Variants in THSD7B observed in about 807,000 individuals in gnomAD.
THSD7B encodes the protein thrombospondin type 1 domain containing 7B, also known as thrombospondin type-1 domain-containing protein 7B.
A neutral mutation model predicts 213.6 loss-of-function variants in THSD7B; 138 were observed. The ratio of observed to expected loss-of-function variants is 0.65; its 90% CI spans 0.56 to 0.74. The LOEUF is 0.74. THSD7B is among the 30% of genes least tolerant of loss of function. THSD7B has a pLI of 0.00. For missense variants in THSD7B, 1,931 were observed against 1,991.5 expected (o/e 0.97, Z 0.58); for synonymous variants, 742 against 687.0 (o/e 1.08, Z -1.25).
chr2:137,299,729 C>T (rs748614993), intron 12 of THSD7B, among the ~76,000 whole-genome samples: 16 of 152,020 alleles, frequency 1.1e-4, no homozygotes, highest in Non-Finnish European at 2.1e-4. Flanking sequence ...TGGGCTTAAC[C>T]GGCTGTTAAA....
At chr2:137,642,263 AAG>A (rs1161496065) in intron 20 of THSD7B, 8 of 479,804 alleles carry the variant, frequency 1.7e-5, no homozygotes, top group African/African-American at 1.6e-4. Context: ...TGAAGACTAA[AAG>A]AAGTAGAAGA....
At chr2:137,635,631 G>C (rs2104856088) in intron 20 of THSD7B, among the ~76,000 whole-genome samples, 1 of 152,146 alleles carries the variant, frequency 6.6e-6, no homozygotes, top group East Asian at 1.9e-4. Flanking sequence ...GCCAGTTCTA[G>C]GAATTGATAT....
intron 14 of THSD7B, among the ~76,000 whole-genome samples, chr2:137,431,083 A>T (rs1239974502): frequency 6.6e-6 from 1 of 152,218 alleles, no homozygotes; most frequent in Non-Finnish European, 1.5e-5. Flanking sequence ...CACAGCCCTC[A>T]GGAGATTCTG....
At chr2:137,634,415 T>C (rs1682795685) in intron 20 of THSD7B, among the ~76,000 whole-genome samples, 2 of 152,196 alleles carry the variant, frequency 1.3e-5, no homozygotes, top group African/African-American at 4.8e-5. Context: ...CTGGAGTTTA[T>C]AGGTATATTT....
intron 14 of THSD7B, among the ~76,000 whole-genome samples, chr2:137,423,464 T>C (rs1216373020): frequency 6.6e-6 from 1 of 152,162 alleles, no homozygotes; most frequent in African/African-American, 2.4e-5. Flanking sequence ...AGATCAATGG[T>C]CGCAAAGCAG....
rs1681934887 is a variant in THSD7B, at chr2:136,790,073, T to C, written c.-36+24386T>C. On this transcript the variant is annotated intron_variant, in intron 1 of 27. Transcript: ENST00000409968. ...TGTAAGCTTACCCTTTCTAACTCTC[T>C]GTGGTCTCCTAGTGCTTGGGAATCT... Among the ~76,000 whole-genome samples, 6 of 151,888 alleles carry C rather than the reference T, an allele frequency of 4.0e-5. 1 individual carries two copies. The South Asian group carries it at 1.2e-3, about 32-fold the overall frequency.
At position 137,095,245 on chromosome 2, in the gene THSD7B, A is replaced by C. The variant is rs145714463; in HGVS notation, c.1199+124A>C. On this transcript the variant is annotated intron_variant, in intron 4 of 27. Coordinates refer to ENST00000409968, the MANE Select transcript of THSD7B (RefSeq NM_001316349.2). ...AGTCTTCACTCAGTATACAAGTTCCATACTTGGCAGCATAGGAGAGCGGGT... is the reference window on the plus strand; with the variant it reads ...AGTCTTCACTCAGTATACAAGTTCCCTACTTGGCAGCATAGGAGAGCGGGT... 49 of 1,345,582 alleles carry C rather than the reference A, an allele frequency of 3.6e-5. No homozygotes were observed. In the African/African-American group the frequency reaches 4.3e-4, roughly 12 times the overall value. The allele number at this position is 1,345,582 out of a possible 1,614,324, so 83.4% of individuals were successfully genotyped here.
At chr2:137,669,864 A>G (rs573681681) in intron 27 of THSD7B, among the ~76,000 whole-genome samples, 1 of 152,294 alleles carries the variant, frequency 6.6e-6, no homozygotes, top group South Asian at 2.1e-4. Context: ...AAATGTGTTA[A>G]CCATAATCTA....
chr2:137,343,642 C>G (rs1205508992), intron 12 of THSD7B, among the ~76,000 whole-genome samples: 1 of 151,668 alleles, frequency 6.6e-6, no homozygotes, highest in African/African-American at 2.4e-5. Flanking sequence ...GTCATTTTAA[C>G]AACCATGGCC....
At chr2:137,097,647 GA>G (rs1688062966) in intron 4 of THSD7B, among the ~76,000 whole-genome samples, 1 of 152,068 alleles carries the variant, frequency 6.6e-6, no homozygotes. Context: ...ATGTACCCAA[GA>G]TGAGTTTCTG....
intron 15 of THSD7B, among the ~76,000 whole-genome samples, chr2:137,485,489 T>C (rs1007005874): frequency 1.3e-5 from 2 of 152,216 alleles, no homozygotes; most frequent in Non-Finnish European, 2.9e-5. Flanking sequence ...GACTTAGGAT[T>C]GACTTGGCGA....
chr2:137,653,668 C>T lies in THSD7B; in HGVS notation c.3946-1833C>T, dbSNP rs563145692. ...TATTTTCAGATAACCTGTCTTTGATCTCCCTAATTCTTTTCTCTGCTTGAT... is the reference window on the plus strand; with the variant it reads ...TATTTTCAGATAACCTGTCTTTGATTTCCCTAATTCTTTTCTCTGCTTGAT... On this transcript the variant is annotated intron_variant, in intron 21 of 27. Transcript: ENST00000409968. Among the ~76,000 whole-genome samples, 3 of 150,630 alleles carry T rather than the reference C, an allele frequency of 2.0e-5. No homozygotes were observed. The South Asian group carries it at 6.4e-4, about 32-fold the overall frequency.
chr2:136,911,714 A>C (rs1373226905), intron 2 of THSD7B, among the ~76,000 whole-genome samples: 1 of 152,224 alleles, frequency 6.6e-6, no homozygotes, highest in African/African-American at 2.4e-5. Context: ...TAGTCTCTGC[A>C]TTTTGAGAAA....
intron 1 of THSD7B, among the ~76,000 whole-genome samples, chr2:136,853,685 G>C (rs1683134118): frequency 6.6e-6 from 1 of 152,084 alleles, no homozygotes; most frequent in Non-Finnish European, 1.5e-5. Context: ...GGCATTCATT[G>C]ATGACTCTTT....
intron 15 of THSD7B, among the ~76,000 whole-genome samples, chr2:137,511,402 A>T (rs780411351): frequency 6.6e-6 from 1 of 152,206 alleles, no homozygotes; most frequent in African/African-American, 2.4e-5. Context: ...AGATGATATG[A>T]TGCAGATGTT....
At chr2:136,866,793 T>G (rs74383345) in intron 1 of THSD7B, among the ~76,000 whole-genome samples, 133 of 152,334 alleles carry the variant, frequency 8.7e-4, no homozygotes, top group African/African-American at 3.1e-3. Context: ...GTATTTGTTA[T>G]GAAAGGTGTA....
chr2:137,631,574 T>C (rs1325832139), intron 20 of THSD7B, among the ~76,000 whole-genome samples: 1 of 152,216 alleles, frequency 6.6e-6, no homozygotes, highest in Admixed American at 6.5e-5. Context: ...AACAACTTTG[T>C]GACTTCCAGC....
intron 4 of THSD7B, among the ~76,000 whole-genome samples, chr2:137,112,362 G>GT (rs1340194399): frequency 1.2e-5 from 1 of 83,980 alleles, no homozygotes; most frequent in East Asian, 3.1e-4. Flanking sequence ...CTCTGAGGTG[G>GT]TAAAAAAAAA....
chr2:137,039,579 A>G (rs1573782727), intron 2 of THSD7B, among the ~76,000 whole-genome samples: 2 of 152,280 alleles, frequency 1.3e-5, no homozygotes, highest in East Asian at 3.9e-4. Flanking sequence ...GTAACAGACA[A>G]TTCCTCCCAC....
Sources: gnomAD v4.1 joint callset for allele counts (sites outside exome capture counted in the v4.1 genomes callset) on GRCh38, gnomAD v4.1.1 for gene constraint, MANE v1.5 for transcripts, NCBI Gene and HGNC (gene_info 2026-07-23, HGNC 2026-07-21) for gene names.